CENPO: variants seen among roughly 807,000 people sequenced by gnomAD.
CENPO encodes centromere protein O, also known as centromeric protein O.
In CENPO, 30 loss-of-function variants were observed where a neutral mutation model predicts 36.1. That is an observed-to-expected ratio of 0.83 (90% CI 0.62 to 1.13). The LOEUF (loss-of-function observed/expected upper bound fraction) is 1.13, where lower values mean the gene tolerates loss of function less well. Among genes scored for constraint, CENPO ranks in the 50% most tolerant of loss-of-function variants. The pLI is 0.00. For synonymous variants in CENPO, 171 were observed against 142.3 expected, an observed-to-expected ratio of 1.20 and a Z score of -1.44; for missense variants, 349 against 357.8, an observed-to-expected ratio of 0.98 and a Z score of 0.20.
chr2:24,818,412 T>G (rs1667065286), intron 7 of CENPO, among the ~76,000 whole-genome samples: 1 of 152,212 alleles, frequency 6.6e-6, no homozygotes, highest in Non-Finnish European at 1.5e-5. Context: ...TATTTTTAGC[T>G]TTTATGAAAG....
intron 4 of CENPO, among the ~76,000 whole-genome samples, chr2:24,815,264 A>G (rs1466530224): frequency 1.3e-5 from 2 of 152,038 alleles, no homozygotes; most frequent in African/African-American, 2.4e-5. Flanking sequence ...AAATTTCTCA[A>G]TAGTTTGACA....
Position 24,821,098 on chromosome 2 carries a change from C to A in CENPO, c.*1780C>A. 1.9e-6 allele frequency: 1 copy of A among 514,216 alleles called. No homozygotes were observed. The highest frequency in any genetic ancestry group is 3.4e-6 in the Non-Finnish European group (1 of 293,330). 31.9% of individuals were successfully genotyped at this position (514,216 alleles called of 1,614,324 possible). A position where few individuals can be genotyped will look rare whatever the true frequency, so the allele number is the denominator to read the frequency against. On this transcript the variant is annotated 3_prime_UTR_variant, in exon 8 of 8. Transcript: ENST00000380834. ...CGGCATGGTAGTGGCCAGCTTCTAACACAGCTGGTATTTCAAGTCTCCTGG... is the reference window on the plus strand; with the variant it reads ...CGGCATGGTAGTGGCCAGCTTCTAAAACAGCTGGTATTTCAAGTCTCCTGG...
rs546451474 is a variant in CENPO at position 24,800,611 on chromosome 2, A to G, written c.216+767A>G. Among the ~76,000 whole-genome samples, 36 of 152,082 alleles carry G rather than the reference A, an allele frequency of 2.4e-4. 1 individual carries two copies. In the South Asian group the frequency reaches 7.5e-3, roughly 32 times the overall value. On this transcript the variant is annotated intron_variant, in intron 3 of 7. Coordinates refer to ENST00000380834, the MANE Select transcript of CENPO (RefSeq NM_001322101.2). The stretch of plus-strand genomic sequence containing the variant: ...TTGTCCTTGCGATAGTTTGCTGAGA[A>G]TGATGGTTTCCAGCTTCATCCATGT...
chr2:24,820,946 A>G lies in CENPO; in HGVS notation c.*1628A>G, dbSNP rs967751397. 2 of 1,493,150 alleles carry G rather than the reference A, an allele frequency of 1.3e-6. No homozygotes were observed. Among genetic ancestry groups the G allele is most frequent in the Non-Finnish European group, 1.8e-6 (2 of 1,099,888 alleles). 92.5% of individuals were successfully genotyped at this position (1,493,150 alleles called of 1,614,324 possible). A position where few individuals can be genotyped will look rare whatever the true frequency, so the allele number is the denominator to read the frequency against. ...TCCAGACCTGTACCACAAAGCTCCT[A>G]ATGTAACACATCATTGTCCTCATTC... On this transcript the variant is annotated 3_prime_UTR_variant, in exon 8 of 8. Coordinates refer to ENST00000380834, the MANE Select transcript of CENPO (RefSeq NM_001322101.2).
chr2:24,819,809 TGAG>T lies in CENPO; in HGVS notation c.*496_*498del, dbSNP rs1475086530. On this transcript the variant is annotated 3_prime_UTR_variant, in exon 8 of 8. Coordinates refer to ENST00000380834, the MANE Select transcript of CENPO (RefSeq NM_001322101.2). ...CACACATCCACGAACAAATGAAGGCTGAGGAGGTTTCTAAACCTAAAGTCCATG... is the reference window on the plus strand; with the variant it reads ...CACACATCCACGAACAAATGAAGGCTGAGGTTTCTAAACCTAAAGTCCATG... 5.5e-5 allele frequency: 57 copies of T among 1,029,906 alleles called. No individual in the cohort carries two copies. The Middle Eastern group carries it at 1.2e-3, about 21-fold the overall frequency. The allele number at this position is 1,029,906 out of a possible 1,614,324, so 63.8% of individuals were successfully genotyped here.
intron 3 of CENPO, among the ~76,000 whole-genome samples, chr2:24,813,087 A>G (rs1287572642): frequency 6.6e-6 from 1 of 151,942 alleles, no homozygotes; most frequent in Admixed American, 6.6e-5. Context: ...CTCTACTAAA[A>G]ATACAAAAAT....
At chr2:24,807,026 A>G (rs1666435624) in intron 3 of CENPO, among the ~76,000 whole-genome samples, 2 of 152,190 alleles carry the variant, frequency 1.3e-5, no homozygotes, top group Admixed American at 1.3e-4. Flanking sequence ...TAAATCCTGC[A>G]CAGCCAAGAA....
intron 3 of CENPO, among the ~76,000 whole-genome samples, chr2:24,805,973 C>T (rs192475729): frequency 2.0e-5 from 3 of 152,252 alleles, no homozygotes; most frequent in Non-Finnish European, 4.4e-5. Flanking sequence ...GGGCTCCACC[C>T]AGTTCGAGCT....
chr2:24,811,454 G>GT (rs1290690715), intron 3 of CENPO, among the ~76,000 whole-genome samples: 1 of 139,872 alleles, frequency 7.1e-6, no homozygotes, highest in Non-Finnish European at 1.6e-5. Context: ...CTAATTTTTT[G>GT]TTTTTTGTTT....
chr2:24,804,815 C>A (rs1255929891), intron 3 of CENPO, among the ~76,000 whole-genome samples: 2 of 152,122 alleles, frequency 1.3e-5, no homozygotes, highest in African/African-American at 4.8e-5. Context: ...TGGGGTTGCT[C>A]TTCTCAAGGA....
chr2:24,799,968 T>C, intron 3 of CENPO, 124 bp downstream of exon 3: 1 of 1,084,486 alleles, frequency 9.2e-7, no homozygotes, highest in Non-Finnish European at 1.3e-6. Context: ...TTGATTGCAG[T>C]CCTTGATCCC....
chr2:24,796,238 C>G (rs1174719308), intron 2 of CENPO, among the ~76,000 whole-genome samples: 1 of 152,080 alleles, frequency 6.6e-6, no homozygotes, highest in Non-Finnish European at 1.5e-5. Context: ...CCTGTAGTCC[C>G]AGCTAATTGG....
chr2:24,820,093 T>C lies in CENPO; in HGVS notation c.*775T>C. 6.5e-7 allele frequency: 1 copy of C among 1,548,976 alleles called. No homozygotes were observed. Among genetic ancestry groups the C allele is most frequent in the Non-Finnish European group, 8.7e-7 (1 of 1,147,350 alleles). On this transcript the variant is annotated 3_prime_UTR_variant, in exon 8 of 8. Coordinates refer to ENST00000380834, the MANE Select transcript of CENPO (RefSeq NM_001322101.2). ...AAGCGGAAGCCGTACTCTCGGAGGA[T>C]GACTTGGGTTTCTTCTACCACCTGG...
chr2:24,794,630 C>T (rs1056560802), intron 2 of CENPO, among the ~76,000 whole-genome samples: 3 of 152,138 alleles, frequency 2.0e-5, no homozygotes, highest in Admixed American at 2.0e-4. Flanking sequence ...CTTAGAATTA[C>T]GAAACTATTA....
chr2:24,820,739 G>A lies in CENPO; in HGVS notation c.*1421G>A, dbSNP rs748288867. ...CTGGACATACCTGAATGTTGCCCATGACCCCCGTGGACTCCATCCTGCTGG... is the reference window on the plus strand; with the variant it reads ...CTGGACATACCTGAATGTTGCCCATAACCCCCGTGGACTCCATCCTGCTGG... On this transcript the variant is annotated 3_prime_UTR_variant, in exon 8 of 8. Transcript: ENST00000380834. 1.2e-6 allele frequency: 2 copies of A among 1,613,976 alleles called. No homozygotes were observed. Among genetic ancestry groups the A allele is most frequent in the Admixed American group, 1.7e-5 (1 of 60,004 alleles).
In CENPO at chr2:24,793,499, TG is replaced by T; in HGVS notation, c.-69+1del. The T allele has an allele frequency of 6.3e-7, 1 of 1,597,660 alleles. No homozygotes were observed. Among genetic ancestry groups the T allele is most frequent in the Non-Finnish European group, 8.5e-7 (1 of 1,171,756 alleles). The stretch of plus-strand genomic sequence containing the variant: ...ATGGCGGGAATTCTCGCTTCTGGCC[TG>T]GGTGAGCTAGAAGGGAGAAGGTAGG... On this transcript the variant is annotated splice_region_variant and 5_prime_UTR_variant, in exon 1 of 8. It removes the in-frame stop codon of an upstream open reading frame in the 5' UTR. Coordinates refer to ENST00000380834, the MANE Select transcript of CENPO (RefSeq NM_001322101.2).
intron 3 of CENPO, among the ~76,000 whole-genome samples, chr2:24,806,915 A>C (rs1666431872): frequency 1.3e-5 from 2 of 152,196 alleles, no homozygotes; most frequent in South Asian, 4.1e-4. Context: ...CCACAGCTCA[A>C]ATATTAGTCA....
At chr2:24,803,695 A>C (rs984086277) in intron 3 of CENPO, among the ~76,000 whole-genome samples, 2 of 152,226 alleles carry the variant, frequency 1.3e-5, no homozygotes, top group African/African-American at 4.8e-5. Context: ...TCTGAGAGAC[A>C]GTTTGTTATA....
chr2:24,805,498 G>T (rs1666358470), intron 3 of CENPO, among the ~76,000 whole-genome samples: 1 of 152,166 alleles, frequency 6.6e-6, no homozygotes, highest in Admixed American at 6.5e-5. Context: ...TACAGATGGG[G>T]TTTTGGTGTG....
Sources: gnomAD v4.1 joint callset for allele counts (sites outside exome capture counted in the v4.1 genomes callset) on GRCh38, gnomAD v4.1.1 for gene constraint, MANE v1.5 for transcripts, NCBI Gene and HGNC (gene_info 2026-07-23, HGNC 2026-07-21) for gene names.